The following ADAMTSL3 variants were observed in gnomAD, a reference collection of about 807,000 sequenced individuals.
ADAMTSL3 encodes the protein ADAMTS like 3.
In ADAMTSL3, 128 loss-of-function variants were observed where a neutral mutation model predicts 201.7. The observed-to-expected ratio is 0.63, with a 90% CI of 0.55 to 0.73. The LOEUF (loss-of-function observed/expected upper bound fraction) is 0.73, where lower values mean the gene tolerates loss of function less well. Among genes scored for constraint, ADAMTSL3 ranks in the 30% least tolerant of loss-of-function variants. The pLI, the probability that ADAMTSL3 is intolerant of heterozygous loss-of-function variation, is 0.00. For missense variants in ADAMTSL3, 1,990 were observed against 2,119.6 expected (o/e 0.94, Z 1.20); for synonymous variants, 738 against 748.4 (o/e 0.99, Z 0.23).
chr15:83,692,389 G>A (rs2061622125), intron 2 of ADAMTSL3, among the ~76,000 whole-genome samples: 1 of 151,852 alleles, frequency 6.6e-6, no homozygotes, highest in Admixed American at 6.6e-5. Context: ...CGTCTTGCTT[G>A]TTTAAGAGTT....
chr15:83,744,516 A>G (rs549189497), intron 3 of ADAMTSL3, among the ~76,000 whole-genome samples: 6 of 152,336 alleles, frequency 3.9e-5, no homozygotes, highest in Admixed American at 3.3e-4. Flanking sequence ...GATGTACAAC[A>G]TGATGTTTTG....
At chr15:83,899,473 A>T (rs578009554) in intron 14 of ADAMTSL3, among the ~76,000 whole-genome samples, 174 bp from the exon 15 acceptor site, 7 of 152,208 alleles carry the variant, frequency 4.6e-5, no homozygotes, top group African/African-American at 1.7e-4. Flanking sequence ...AATATACAGC[A>T]GAAGTGTTTA....
At chr15:83,785,241 A>G (rs945755108) in intron 4 of ADAMTSL3, among the ~76,000 whole-genome samples, 1 of 152,230 alleles carries the variant, frequency 6.6e-6, no homozygotes, top group African/African-American at 2.4e-5. Flanking sequence ...CTGCCTGTCC[A>G]TGGACCACAC....
Position 83,982,751 on chromosome 15 carries a change from T to C in ADAMTSL3, c.3123T>C (p.Asn1041=), listed in dbSNP as rs531791416. The C allele has an allele frequency of 1.2e-4, 192 of 1,614,048 alleles. 1 individual carries two copies. The South Asian group carries it at 2.0e-3, about 17-fold the overall frequency. The change falls in exon 21 of 30, where the codon AAT becomes AAC. Residue 1041 remains asparagine (N), a synonymous_variant. Transcript: ENST00000286744. ...TGAGGCAAATGTGGAATAACAAAAA[T>C]GACCTTTATCTGGATGATGACCACA... The part of the protein sequence containing the change: ...HKMRQMWNNK[N]DLYLDDDHIS...
chr15:83,824,508 C>T (rs945250149), intron 6 of ADAMTSL3, among the ~76,000 whole-genome samples: 1 of 152,168 alleles, frequency 6.6e-6, no homozygotes, highest in South Asian at 2.1e-4. Context: ...TCATAGTTTA[C>T]ATTAGGCCTC....
intron 5 of ADAMTSL3, among the ~76,000 whole-genome samples, chr15:83,808,939 A>G (rs1045354733): frequency 2.0e-5 from 3 of 150,632 alleles, no homozygotes; most frequent in Non-Finnish European, 4.4e-5. Flanking sequence ...AAACAACTTG[A>G]TATCTTAAAA....
intron 4 of ADAMTSL3, among the ~76,000 whole-genome samples, chr15:83,795,906 G>T (rs980655592): frequency 2.0e-5 from 3 of 152,064 alleles, no homozygotes; most frequent in African/African-American, 7.2e-5. Context: ...CCTAAAATAT[G>T]TAACACACAA....
chr15:83,827,508 T>G (rs1447622566), intron 6 of ADAMTSL3, among the ~76,000 whole-genome samples: 5 of 152,202 alleles, frequency 3.3e-5, no homozygotes, highest in African/African-American at 9.6e-5. Context: ...AGAAGCTCTT[T>G]AGTTTAGTTA....
chr15:83,717,884 C>T (rs1807738934), intron 3 of ADAMTSL3, among the ~76,000 whole-genome samples: 1 of 152,126 alleles, frequency 6.6e-6, no homozygotes, highest in African/African-American at 2.4e-5. Context: ...TAGCATTGGA[C>T]TTGCTGTTAT....
intron 8 of ADAMTSL3, among the ~76,000 whole-genome samples, chr15:83,869,081 A>G (rs371033600): frequency 1.3e-5 from 2 of 152,212 alleles, no homozygotes; most frequent in Non-Finnish European, 1.5e-5. Context: ...ATTGCACGCT[A>G]CTTGAATTTA....
At chr15:83,906,685 T>C (rs2065842922) in intron 15 of ADAMTSL3, among the ~76,000 whole-genome samples, 1 of 150,622 alleles carries the variant, frequency 6.6e-6, no homozygotes, top group Admixed American at 6.6e-5. Flanking sequence ...CACAGAGTTA[T>C]GGGCTACTTT....
intron 3 of ADAMTSL3, among the ~76,000 whole-genome samples, chr15:83,739,306 T>C (rs1438847282): frequency 6.6e-6 from 1 of 151,440 alleles, no homozygotes; most frequent in East Asian, 1.9e-4. Flanking sequence ...GCCAAAGATA[T>C]TAATCTGGAT....
intron 4 of ADAMTSL3, among the ~76,000 whole-genome samples, chr15:83,798,643 T>C (rs1277441083): frequency 4.6e-5 from 7 of 151,610 alleles, no homozygotes; most frequent in African/African-American, 1.7e-4. Flanking sequence ...CCGTCTCTAC[T>C]AAAAATACAA....
chr15:83,783,467 T>C (rs2063209414), intron 4 of ADAMTSL3, among the ~76,000 whole-genome samples: 1 of 152,072 alleles, frequency 6.6e-6, no homozygotes, highest in African/African-American at 2.4e-5. Context: ...AAAAGATTGT[T>C]AGGCTATAAA....
At chr15:83,870,068 G>A (rs975443350) in intron 8 of ADAMTSL3, among the ~76,000 whole-genome samples, 4 of 152,162 alleles carry the variant, frequency 2.6e-5, no homozygotes, top group African/African-American at 9.6e-5. Flanking sequence ...TGTTTAAACT[G>A]TGATAAGCAA....
intron 19 of ADAMTSL3, among the ~76,000 whole-genome samples, chr15:83,945,166 A>T (rs2066631497): frequency 6.6e-6 from 1 of 152,098 alleles, no homozygotes; most frequent in East Asian, 1.9e-4. Context: ...TTGCCCTAGG[A>T]TCCAGCCACC....
intron 13 of ADAMTSL3, among the ~76,000 whole-genome samples, chr15:83,894,445 G>T (rs922162373): frequency 6.6e-6 from 1 of 152,110 alleles, no homozygotes; most frequent in Admixed American, 6.6e-5. Context: ...TGTGAATGTT[G>T]ACATTTTAAA....
At chr15:83,716,844 T>C (rs2062026804) in intron 3 of ADAMTSL3, among the ~76,000 whole-genome samples, 1 of 152,178 alleles carries the variant, frequency 6.6e-6, no homozygotes, top group African/African-American at 2.4e-5. Context: ...TTTGGATGAA[T>C]CCTTCTCTTA....
chr15:84,016,528 C>G, intron 25 of ADAMTSL3, 29 bp downstream of exon 25: 1 of 1,564,656 alleles, frequency 6.4e-7, no homozygotes, highest in South Asian at 1.1e-5. Flanking sequence ...TTCAGATTTG[C>G]TATGTGTGAG....
Sources: allele counts gnomAD v4.1 joint callset (sites outside exome capture counted in the v4.1 genomes callset), GRCh38; gene constraint gnomAD v4.1.1; transcripts MANE v1.5; gene names NCBI Gene and HGNC (gene_info 2026-07-23, HGNC 2026-07-21).